Variants in GPC5 observed in about 807,000 individuals in gnomAD.
The protein encoded by GPC5 is glypican 5.
In GPC5, 47 loss-of-function variants were observed where a neutral mutation model predicts 53.9. The observed-to-expected ratio is 0.87, with a 90% CI of 0.69 to 1.11. The LOEUF (loss-of-function observed/expected upper bound fraction) is 1.11. Ranked by LOEUF, GPC5 falls within the 50% of genes most tolerant of loss-of-function variation. The pLI is 0.00. For synonymous variants in GPC5, 286 were observed against 263.3 expected, an observed-to-expected ratio of 1.09 and a Z score of -0.84; for missense variants, 748 against 713.1, an observed-to-expected ratio of 1.05 and a Z score of -0.56.
chr13:91,524,386 TTAAGA>T (rs1168673359), intron 2 of GPC5, among the ~76,000 whole-genome samples: 2 of 152,144 alleles, frequency 1.3e-5, no homozygotes, highest in African/African-American at 4.8e-5. Flanking sequence ...AGTTACAACA[TTAAGA>T]TATCAAAATT....
At chr13:91,834,281 G>A (rs924913884) in intron 5 of GPC5, among the ~76,000 whole-genome samples, 2 of 152,086 alleles carry the variant, frequency 1.3e-5, no homozygotes, top group Non-Finnish European at 2.9e-5. Context: ...CCATGCTCAT[G>A]GATAGAAAGA....
chr13:92,280,165 TTTG>T (rs1227583625), intron 7 of GPC5, among the ~76,000 whole-genome samples: 7 of 152,128 alleles, frequency 4.6e-5, no homozygotes, highest in African/African-American at 1.7e-4. Context: ...GATTATCTAA[TTTG>T]TTGTCATATA....
intron 6 of GPC5, among the ~76,000 whole-genome samples, chr13:92,136,759 G>A (rs1234218582): frequency 1.3e-5 from 2 of 152,220 alleles, no homozygotes; most frequent in Admixed American, 6.5e-5. Flanking sequence ...TTGTATGTGT[G>A]AGCCAGATCT....
intron 7 of GPC5, among the ~76,000 whole-genome samples, chr13:92,645,127 A>G (rs555745743): frequency 6.6e-6 from 1 of 152,318 alleles, no homozygotes; most frequent in Admixed American, 6.5e-5. Context: ...AATCCCAGCC[A>G]GAAACTCCTC....
At chr13:92,525,209 ATTAT>A (rs1179817510) in intron 7 of GPC5, among the ~76,000 whole-genome samples, 1 of 152,034 alleles carries the variant, frequency 6.6e-6, no homozygotes, top group Non-Finnish European at 1.5e-5. Flanking sequence ...CTACTTGCTA[ATTAT>A]TTATGAATTT....
chr13:91,686,386 A>G (rs2035623299), intron 2 of GPC5, among the ~76,000 whole-genome samples: 1 of 152,044 alleles, frequency 6.6e-6, no homozygotes, highest in Non-Finnish European at 1.5e-5. Flanking sequence ...TTGATGATAC[A>G]GATTAATATC....
intron 5 of GPC5, among the ~76,000 whole-genome samples, chr13:91,792,912 G>T (rs1017608926): frequency 6.6e-6 from 1 of 152,162 alleles, no homozygotes; most frequent in African/African-American, 2.4e-5. Context: ...GGACTGTAAT[G>T]TGGACAGATG....
At chr13:92,553,147 T>C (rs1365979542) in intron 7 of GPC5, among the ~76,000 whole-genome samples, 1 of 152,006 alleles carries the variant, frequency 6.6e-6, no homozygotes, top group South Asian at 2.1e-4. Flanking sequence ...TGTTTCTGCA[T>C]TTCTTGTTCA....
At chr13:92,239,616 A>T (rs76605116) in intron 7 of GPC5, among the ~76,000 whole-genome samples, 1 of 151,974 alleles carries the variant, frequency 6.6e-6, no homozygotes, top group African/African-American at 2.4e-5. Context: ...ATCATTGTTT[A>T]AAAAGACGTA....
chr13:92,442,055 T>C (rs1877596606), intron 7 of GPC5, among the ~76,000 whole-genome samples: 1 of 152,160 alleles, frequency 6.6e-6, no homozygotes, highest in African/African-American at 2.4e-5. Context: ...AAACACAGCA[T>C]TTGGCTGGTA....
chr13:92,709,649 C>T (rs911869148), intron 7 of GPC5: 5 of 152,178 alleles, frequency 3.3e-5, no homozygotes, highest in Admixed American at 3.3e-4. Context: ...AAAATTAGCA[C>T]TCTGTCACTT....
At chr13:92,212,169 T>G (rs2139075710) in intron 7 of GPC5, among the ~76,000 whole-genome samples, 1 of 152,108 alleles carries the variant, frequency 6.6e-6, no homozygotes, top group East Asian at 1.9e-4. Flanking sequence ...GCCATGCAGT[T>G]AGACAGGACG....
intron 7 of GPC5, among the ~76,000 whole-genome samples, chr13:92,507,158 C>T (rs560998755): frequency 6.6e-6 from 1 of 152,190 alleles, no homozygotes; most frequent in African/African-American, 2.4e-5. Flanking sequence ...TAAATCTGTC[C>T]TAATCATTCT....
chr13:91,852,810 T>C lies in GPC5; in HGVS notation c.1281-55127T>C, dbSNP rs527723653. ...GACCCACTGTGGTATATGTGATCCA[T>C]TGTTAGCCAAACATTGTTATGTGGA... On this transcript the variant is annotated intron_variant, in intron 5 of 7. Coordinates refer to ENST00000377067, the MANE Select transcript of GPC5 (RefSeq NM_004466.6). 1.2e-4 allele frequency among the ~76,000 whole-genome samples: 19 copies of C among 152,254 alleles called. No homozygotes were observed. In the South Asian group the frequency reaches 3.9e-3, roughly 32 times the overall value.
At chr13:92,298,893 T>A (rs71427551) in intron 7 of GPC5, among the ~76,000 whole-genome samples, 1 of 152,184 alleles carries the variant, frequency 6.6e-6, no homozygotes, top group African/African-American at 2.4e-5. Context: ...ACAGCATTTT[T>A]CCATAAATGC....
intron 7 of GPC5, among the ~76,000 whole-genome samples, chr13:92,633,927 T>C (rs974748360): frequency 6.6e-6 from 1 of 152,142 alleles, no homozygotes; most frequent in Non-Finnish European, 1.5e-5. Context: ...TGCATATGTA[T>C]GTGTAGTTAT....
intron 2 of GPC5, among the ~76,000 whole-genome samples, chr13:91,662,112 G>C (rs2035001680): frequency 6.6e-6 from 1 of 152,128 alleles, no homozygotes; most frequent in Admixed American, 6.6e-5. Context: ...GTGAAACAGA[G>C]GGAAGAAGAG....
At chr13:92,235,037 A>C (rs551818395) in intron 7 of GPC5, among the ~76,000 whole-genome samples, 10 of 152,314 alleles carry the variant, frequency 6.6e-5, no homozygotes, top group Non-Finnish European at 1.3e-4. Context: ...AAAATCTTAA[A>C]ATGTGTTTTA....
intron 7 of GPC5, among the ~76,000 whole-genome samples, chr13:92,782,231 A>T (rs1172688): frequency 0.32 from 48,246 of 152,004 alleles, 9,881 homozygotes; most frequent in East Asian, 0.73. Context: ...TCCCCTTTCT[A>T]CTTTACATTC....
Sources: allele counts gnomAD v4.1 joint callset (sites outside exome capture counted in the v4.1 genomes callset), GRCh38; gene constraint gnomAD v4.1.1; transcripts MANE v1.5; gene names NCBI Gene and HGNC (gene_info 2026-07-23, HGNC 2026-07-21).